The following HDHD2 variants were observed in gnomAD, a reference collection of about 807,000 sequenced individuals.
HDHD2 encodes the protein haloacid dehalogenase like hydrolase domain containing 2.
In HDHD2, 26 loss-of-function variants were observed where a neutral mutation model predicts 24.8. The observed-to-expected ratio is 1.05, with a 90% CI of 0.77 to 1.45. HDHD2 has a LOEUF of 1.45. Among genes scored for constraint, HDHD2 ranks in the 40% most tolerant of loss-of-function variants. The pLI is 0.00. For missense variants in HDHD2, 299 were observed against 313.4 expected (o/e 0.95, Z 0.35); for synonymous variants, 128 against 114.9 (o/e 1.11, Z -0.73).
At chr18:47,140,709 G>A (rs2063812227) in intron 1 of HDHD2, among the ~76,000 whole-genome samples, 1 of 152,004 alleles carries the variant, frequency 6.6e-6, no homozygotes, top group African/African-American at 2.4e-5. Context: ...TAAAGATGGG[G>A]TCTTCCTATG....
At chr18:47,112,943 G>GT in intron 6 of HDHD2, 34 bp downstream of exon 6, 1 of 1,567,836 alleles carries the variant, frequency 6.4e-7, no homozygotes, top group Non-Finnish European at 8.8e-7. Context: ...CTACTATTCT[G>GT]TTTTAGAAAA....
chr18:47,140,407 T>C (rs2063809280), intron 1 of HDHD2, among the ~76,000 whole-genome samples: 1 of 152,266 alleles, frequency 6.6e-6, no homozygotes, highest in Non-Finnish European at 1.5e-5. Flanking sequence ...GACACAACTC[T>C]ATCATTGCTA....
In HDHD2 at chr18:47,124,116, A is replaced by G. The variant is rs557777395; in HGVS notation, c.395+6128T>C. Reference sequence around the variant, plus strand: ...TGCTGGAACAACTGAGTATACACAGATAAAAATGAACTTCTATTTCACACA... The same window carrying G: ...TGCTGGAACAACTGAGTATACACAGGTAAAAATGAACTTCTATTTCACACA... On this transcript the variant is annotated intron_variant, in intron 4 of 6. Coordinates refer to ENST00000300605, the MANE Select transcript of HDHD2 (RefSeq NM_032124.5). 6.2e-4 allele frequency among the ~76,000 whole-genome samples: 94 copies of G among 152,380 alleles called. 1 individual carries two copies. The South Asian group carries it at 0.018, about 30-fold the overall frequency.
chr18:47,141,015 T>C (rs1213998245), intron 1 of HDHD2, among the ~76,000 whole-genome samples: 3 of 152,216 alleles, frequency 2.0e-5, no homozygotes, highest in Admixed American at 6.5e-5. Flanking sequence ...CATAATTGAA[T>C]AGAAGTAGTG....
chr18:47,123,278 A>C (rs2063624666), intron 4 of HDHD2, among the ~76,000 whole-genome samples: 1 of 152,224 alleles, frequency 6.6e-6, no homozygotes, highest in Non-Finnish European at 1.5e-5. Context: ...GCAATAAGCA[A>C]ATAAATATGA....
chr18:47,138,687 G>A (rs931868002), intron 1 of HDHD2, among the ~76,000 whole-genome samples: 3 of 152,140 alleles, frequency 2.0e-5, no homozygotes, highest in Non-Finnish European at 4.4e-5. Context: ...TTTTTTCCAC[G>A]ATTCCTGGCT....
intron 4 of HDHD2, among the ~76,000 whole-genome samples, chr18:47,123,548 T>C (rs992653764): frequency 1.8e-4 from 27 of 151,998 alleles, no homozygotes; most frequent in African/African-American, 6.5e-4. Context: ...GAGCATGCCA[T>C]TGCACTCCAG....
chr18:47,144,381 C>T (rs963520411), intron 1 of HDHD2, among the ~76,000 whole-genome samples: 4 of 152,164 alleles, frequency 2.6e-5, no homozygotes, highest in South Asian at 4.1e-4. Context: ...TACCTTGTCT[C>T]AGTTGACTAC....
chr18:47,141,327 C>A, intron 1 of HDHD2, among the ~76,000 whole-genome samples: 1 of 152,254 alleles, frequency 6.6e-6, no homozygotes, highest in Non-Finnish European at 1.5e-5. Flanking sequence ...CTGCTAGATT[C>A]AAATACTAAA....
At chr18:47,110,739 T>A in intron 6 of HDHD2, 1 of 985,342 alleles carries the variant, frequency 1.0e-6, no homozygotes. Context: ...CATGGATGGA[T>A]AAATGATGAA....
At chr18:47,114,907 C>G (rs1387124960) in intron 5 of HDHD2, among the ~76,000 whole-genome samples, 1 of 151,552 alleles carries the variant, frequency 6.6e-6, no homozygotes, top group Non-Finnish European at 1.5e-5. Context: ...ACACACAAAT[C>G]TCCTATTACG....
intron 4 of HDHD2, among the ~76,000 whole-genome samples, chr18:47,119,018 A>C (rs1201973290): frequency 6.6e-6 from 1 of 152,236 alleles, no homozygotes; most frequent in Non-Finnish European, 1.5e-5. Flanking sequence ...AGTGTGCAAC[A>C]GCATTGTGTC....
intron 1 of HDHD2, among the ~76,000 whole-genome samples, chr18:47,149,708 C>T (rs1305455999): frequency 2.0e-5 from 3 of 152,128 alleles, no homozygotes; most frequent in African/African-American, 7.2e-5. Flanking sequence ...CTTCCTCTGG[C>T]GTGCCTCCTC....
intron 3 of HDHD2, among the ~76,000 whole-genome samples, chr18:47,132,906 G>A (rs1327836829): frequency 6.6e-6 from 1 of 152,206 alleles, no homozygotes; most frequent in East Asian, 1.9e-4. Context: ...AAGAGGTCCT[G>A]GTGTATCTCA....
intron 4 of HDHD2, among the ~76,000 whole-genome samples, chr18:47,128,358 TTAAA>T (rs2063680298): frequency 6.6e-6 from 1 of 152,262 alleles, no homozygotes; most frequent in East Asian, 1.9e-4. Flanking sequence ...AATTCTGTGG[TTAAA>T]TAAATGAGTG....
chr18:47,132,122 GCTT>G (rs769916083), intron 3 of HDHD2, among the ~76,000 whole-genome samples: 31 of 151,632 alleles, frequency 2.0e-4, no homozygotes, highest in East Asian at 9.7e-4. Context: ...TCCTTCTTTG[GCTT>G]CTTTTTACAA....
chr18:47,134,457 A>G (rs377158800), intron 3 of HDHD2, 39 bp downstream of exon 3: 3 of 1,384,506 alleles, frequency 2.2e-6, no homozygotes, highest in Non-Finnish European at 3.1e-6. Flanking sequence ...GTAAGTACAT[A>G]TAAATATCCA....
chr18:47,136,749 AATTC>A (rs1325330320), intron 1 of HDHD2, among the ~76,000 whole-genome samples: 2 of 152,172 alleles, frequency 1.3e-5, no homozygotes, highest in African/African-American at 4.8e-5. Context: ...TCTGGTGAAC[AATTC>A]ATTCATTTAT....
chr18:47,119,022 T>C (rs959438510), intron 4 of HDHD2, among the ~76,000 whole-genome samples: 40 of 152,196 alleles, frequency 2.6e-4, no homozygotes, highest in African/African-American at 7.5e-4. Context: ...TGCAACAGCA[T>C]TGTGTCTAAA....
Sources: gnomAD v4.1 joint callset for allele counts (sites outside exome capture counted in the v4.1 genomes callset) on GRCh38, gnomAD v4.1.1 for gene constraint, MANE v1.5 for transcripts, NCBI Gene and HGNC (gene_info 2026-07-23, HGNC 2026-07-21) for gene names.